The following LRFN5 variants were observed in gnomAD, a reference collection of about 807,000 sequenced individuals.
LRFN5 encodes leucine rich repeat and fibronectin type III domain containing 5.
LRFN5 carries 24 observed loss-of-function variants against 45.6 expected under a neutral mutation model. The observed-to-expected ratio is 0.53, with a 90% CI of 0.38 to 0.74. The LOEUF is 0.74. Ranked by LOEUF, LRFN5 falls within the 30% of genes least tolerant of loss-of-function variation. The pLI is 0.00. For synonymous variants in LRFN5, 340 were observed against 313.8 expected (o/e 1.08, Z -0.88); for missense variants, 776 against 861.5 (o/e 0.90, Z 1.24).
chr14:41,825,746 G>C (rs1031913708), intron 2 of LRFN5, among the ~76,000 whole-genome samples: 1 of 152,104 alleles, frequency 6.6e-6, no homozygotes, highest in Non-Finnish European at 1.5e-5. Context: ...GCCTTGGTTT[G>C]GGGGGAGGGT....
intron 2 of LRFN5, among the ~76,000 whole-genome samples, chr14:41,863,589 C>T (rs1889741137): frequency 6.6e-6 from 1 of 152,108 alleles, no homozygotes; most frequent in Non-Finnish European, 1.5e-5. Flanking sequence ...AGACGTTTTC[C>T]TTATGAATTT....
intron 1 of LRFN5, among the ~76,000 whole-genome samples, chr14:41,704,470 T>TGTGTGTC (rs1882981334): frequency 2.4e-5 from 1 of 42,252 alleles, no homozygotes; most frequent in Non-Finnish European, 3.9e-5. Context: ...GTCTGTGAGA[T>TGTGTGTC]TTGAAGTCTC....
intron 1 of LRFN5, among the ~76,000 whole-genome samples, chr14:41,750,891 T>C (rs1223767115): frequency 6.6e-6 from 1 of 152,004 alleles, no homozygotes; most frequent in East Asian, 1.9e-4. Context: ...GTTACATAGG[T>C]ATACACGTGC....
intron 2 of LRFN5, among the ~76,000 whole-genome samples, chr14:41,825,011 C>T (rs1888244901): frequency 6.6e-6 from 1 of 152,206 alleles, no homozygotes; most frequent in Admixed American, 6.5e-5. Flanking sequence ...TAGTTAATGG[C>T]TGTGGAAAAT....
chr14:41,900,655 A>G (rs1157066094), intron 5 of LRFN5, among the ~76,000 whole-genome samples: 1 of 152,158 alleles, frequency 6.6e-6, no homozygotes, highest in African/African-American at 2.4e-5. Context: ...TTCAGTGGCC[A>G]TACATCACTC....
intron 2 of LRFN5, among the ~76,000 whole-genome samples, chr14:41,784,047 A>G (rs1190581088): frequency 6.6e-6 from 1 of 152,126 alleles, no homozygotes; most frequent in African/African-American, 2.4e-5. Flanking sequence ...GGAGCTGGGT[A>G]GGATTTAAGA....
intron 2 of LRFN5, among the ~76,000 whole-genome samples, chr14:41,782,272 G>T (rs1886556621): frequency 6.6e-6 from 1 of 150,696 alleles, no homozygotes; most frequent in South Asian, 2.1e-4. Flanking sequence ...AGTTTCTATT[G>T]ACATTTCTCA....
intron 1 of LRFN5, among the ~76,000 whole-genome samples, chr14:41,623,469 TA>T (rs1566592150): frequency 6.6e-6 from 1 of 151,966 alleles, no homozygotes; most frequent in South Asian, 2.1e-4. Context: ...TGTGGGGATT[TA>T]AAAAAAATTC....
chr14:41,735,510 A>C (rs61563519), intron 1 of LRFN5, among the ~76,000 whole-genome samples: 7,107 of 152,230 alleles, frequency 0.047, 497 homozygotes, highest in East Asian at 0.3. Context: ...GGGCTCAAGC[A>C]GTCCTTCTGC....
At chr14:41,848,131 T>A (rs1035084971) in intron 2 of LRFN5, among the ~76,000 whole-genome samples, 6 of 152,128 alleles carry the variant, frequency 3.9e-5, no homozygotes, top group African/African-American at 1.4e-4. Flanking sequence ...CAGAGTATTT[T>A]AAAAATCCCT....
chr14:41,802,673 C>G (rs1018064388), intron 2 of LRFN5, among the ~76,000 whole-genome samples: 5 of 152,036 alleles, frequency 3.3e-5, no homozygotes, highest in South Asian at 2.1e-4. Flanking sequence ...AACTGAAAAC[C>G]CTTCCTTCCA....
rs576937927 is a variant in LRFN5 at position 41,777,657 on chromosome 14, A to G, written c.-21+10628A>G. On this transcript the variant is annotated intron_variant, in intron 2 of 5. Transcript: ENST00000298119. ...TTGAGCATGCTAGGAGCTCTATTAC[A>G]TTGGTAAATGAAAATAGTGATCAAG... is the stretch of plus-strand genomic sequence containing the variant. Among the ~76,000 whole-genome samples, 3 of 151,960 alleles carry G rather than the reference A, an allele frequency of 2.0e-5. No homozygotes were observed. In the South Asian group the frequency reaches 6.2e-4, roughly 31 times the overall value.
intron 1 of LRFN5, among the ~76,000 whole-genome samples, chr14:41,651,408 C>CA (rs1880119639): frequency 6.6e-6 from 1 of 151,706 alleles, no homozygotes; most frequent in Non-Finnish European, 1.5e-5. Context: ...TGTATGTGAG[C>CA]AAAAAATGGA....
rs557216815 is a variant in LRFN5, at chr14:41,667,092, G to A, written c.-197+58530G>A. 7.9e-5 allele frequency among the ~76,000 whole-genome samples: 12 copies of A among 152,128 alleles called. No individual in the cohort carries two copies. In the South Asian group the frequency reaches 1.2e-3, roughly 16 times the overall value. On this transcript the variant is annotated intron_variant, in intron 1 of 5. Transcript: ENST00000298119. The stretch of plus-strand genomic sequence containing the variant: ...AGCTGTATTTAAGCTTTAAGAATTC[G>A]TAATAGTTCATACTTTTGGTTAAAA...
chr14:41,887,974 A>T lies in LRFN5; in HGVS notation c.1349A>T (p.Gln450Leu), dbSNP rs1408637549. 6.2e-7 allele frequency: 1 copy of T among 1,610,986 alleles called. No individual in the cohort carries two copies. The highest frequency in any genetic ancestry group is 8.5e-7 in the Non-Finnish European group (1 of 1,178,540). The change falls in exon 3 of 6, where the codon CAG becomes CTG. Residue 450 changes from glutamine (Q) to leucine (L), a missense_variant. Gln to Leu is a moderately radical substitution (Grantham distance 113). This residue lies in a region of LRFN5 where 465 missense variants were observed against 456.4 expected (regional missense o/e 1.02). Coordinates refer to ENST00000298119, the MANE Select transcript of LRFN5 (RefSeq NM_152447.5). The surrounding 1 kb of genome is among the most constrained non-coding windows in gnomAD (Gnocchi z 4.8). ...NIPGIRMFQI[Q>L]YNGTYDDTLV... ...CCTGGAATACGTATGTTTCAAATCC[A>T]GTACAATGGTACTTATGATGACACC...
At chr14:41,812,931 G>A (rs1887784844) in intron 2 of LRFN5, among the ~76,000 whole-genome samples, 2 of 152,090 alleles carry the variant, frequency 1.3e-5, no homozygotes, top group South Asian at 4.1e-4. Context: ...TCACGTTCCA[G>A]ACTAGAGAAA....
intron 2 of LRFN5, among the ~76,000 whole-genome samples, chr14:41,868,325 G>C (rs936931323): frequency 6.6e-6 from 1 of 152,078 alleles, no homozygotes; most frequent in Admixed American, 6.6e-5. Flanking sequence ...AAAGGAACTA[G>C]AACTTTAGGA....
chr14:41,687,939 GAAAT>G (rs919407752), intron 1 of LRFN5, among the ~76,000 whole-genome samples: 1 of 151,926 alleles, frequency 6.6e-6, no homozygotes, highest in African/African-American at 2.4e-5. Flanking sequence ...TTTTTTAGAA[GAAAT>G]AAATAAAAAC....
intron 2 of LRFN5, among the ~76,000 whole-genome samples, chr14:41,783,177 G>A (rs1191613047): frequency 6.6e-6 from 1 of 151,900 alleles, no homozygotes; most frequent in African/African-American, 2.4e-5. Context: ...GATTTTTCTT[G>A]TCAATCAGAT....
Sources: gnomAD v4.1 joint callset for allele counts (sites outside exome capture counted in the v4.1 genomes callset) on GRCh38, gnomAD v4.1.1 for gene constraint, gnomAD v4.1.1 regional missense constraint, Gnocchi (gnomAD v3.1) non-coding constraint, MANE v1.5 for transcripts, NCBI Gene and HGNC (gene_info 2026-07-23, HGNC 2026-07-21) for gene names.